Variants in SORBS3 observed in about 807,000 individuals in gnomAD.
The protein encoded by SORBS3 is sorbin and SH3 domain containing 3, also known as vinexin.
A neutral mutation model predicts 98.0 loss-of-function variants in SORBS3; 69 were observed. The observed-to-expected ratio is 0.70, with a 90% CI of 0.58 to 0.86. The LOEUF is 0.86. Among genes scored for constraint, SORBS3 ranks in the 40% least tolerant of loss-of-function variants. The pLI, the probability that SORBS3 is intolerant of heterozygous loss-of-function variation, is 0.00. For synonymous variants in SORBS3, 394 were observed against 355.4 expected, an observed-to-expected ratio of 1.11 and a Z score of -1.22; for missense variants, 954 against 908.5, an observed-to-expected ratio of 1.05 and a Z score of -0.64.
In SORBS3 at chr8:22,571,227, G is replaced by A; in HGVS notation, c.1743+6G>A. 4 of 1,522,984 alleles carry A rather than the reference G, an allele frequency of 2.6e-6. No homozygotes were observed. Among genetic ancestry groups the A allele is most frequent in the Non-Finnish European group, 3.5e-6 (4 of 1,136,662 alleles). The allele number at this position is 1,522,984 out of a possible 1,614,324, so 94.3% of individuals were successfully genotyped here. A position where few individuals can be genotyped will look rare whatever the true frequency, so the allele number is the denominator to read the frequency against. ...AGCCTAGACCCCAGACCCAGGTGAG[G>A]TAGCCTGCCTCCACCAGAGAGTCGA... On this transcript the variant is annotated splice_donor_region_variant and intron_variant, in intron 18 of 20. Transcript: ENST00000240123.
At chr8:22,573,474 T>A (rs1029962338) in intron 20 of SORBS3, 2 of 446,518 alleles carry the variant, frequency 4.5e-6, no homozygotes, top group Non-Finnish European at 4.5e-6. Flanking sequence ...TCAAATGAAA[T>A]AAATTAAAAA....
chr8:22,571,729 C>T lies in SORBS3; in HGVS notation c.1755C>T (p.Thr585=). ...CTGTCAACTCCCAGAATCTTGGCAC[C>T]CCTGGTCCAGCTCTGTCCCACTCTC... ...EPRPQTQNLG[T]PGPALSHSRG... The change falls in exon 19 of 21, where the codon ACC becomes ACT. Residue 585 remains threonine (T), a synonymous_variant. Coordinates refer to ENST00000240123, the MANE Select transcript of SORBS3 (RefSeq NM_005775.5). The T allele has an allele frequency of 6.2e-7, 1 of 1,613,678 alleles. No individual in the cohort carries two copies. Among genetic ancestry groups the T allele is most frequent in the Non-Finnish European group, 8.5e-7 (1 of 1,179,678 alleles).
chr8:22,558,769 G>A (rs1465722574), intron 5 of SORBS3, among the ~76,000 whole-genome samples: 1 of 152,246 alleles, frequency 6.6e-6, no homozygotes, highest in African/African-American at 2.4e-5. Context: ...CCCATGCAGG[G>A]AGGCTGCTCC....
rs377415694 is a variant in SORBS3 at position 22,564,453 on chromosome 8, C to T, written c.763-15C>T. 6.2e-7 allele frequency: 1 copy of T among 1,614,040 alleles called. No individual in the cohort carries two copies. Among genetic ancestry groups the T allele is most frequent in the African/African-American group, 1.3e-5 (1 of 74,938 alleles). ...GTGAGTTCACCTGCTCTGACACACC[C>T]TTTCTACCCTTCAGCCCAAGAAACC... On this transcript the variant is annotated splice_polypyrimidine_tract_variant and intron_variant, in intron 9 of 20. Transcript: ENST00000240123.
Position 22,564,344 on chromosome 8 carries a change from T to C in SORBS3, c.737T>C (p.Leu246Pro). 6.2e-7 allele frequency: 1 copy of C among 1,614,038 alleles called. No homozygotes were observed. The highest frequency in any genetic ancestry group is 8.5e-7 in the Non-Finnish European group (1 of 1,179,950). The change falls in exon 9 of 21, where the codon CTG becomes CCG. Residue 246 changes from leucine (L) to proline (P), a missense_variant. By Grantham distance (98) the Leu-to-Pro change is moderately conservative (BLOSUM62 -3). Transcript: ENST00000240123. The part of the protein sequence containing the change: ...VWTEESWNQF[L>P]QELETGQRPK... ...ACGGAAGAGTCCTGGAACCAGTTTCTGCAGGAACTAGAGACTGGGCAGAGG... is the reference window on the plus strand; with the variant it reads ...ACGGAAGAGTCCTGGAACCAGTTTCCGCAGGAACTAGAGACTGGGCAGAGG...
intron 16 of SORBS3, 130 bp from the exon 17 acceptor site, chr8:22,569,018 G>C (rs1032698216): frequency 4.0e-5 from 38 of 960,528 alleles, no homozygotes; most frequent in Middle Eastern, 2.7e-4. Flanking sequence ...CCCAGGGCTT[G>C]TGTCTGGTGT....
In SORBS3 at chr8:22,561,504, A is replaced by G. The variant is rs201380890; in HGVS notation, c.517+131A>G. On this transcript the variant is annotated intron_variant, in intron 6 of 20. Coordinates refer to ENST00000240123, the MANE Select transcript of SORBS3 (RefSeq NM_005775.5). ...GCTCAGTTCAACCTGAGAGGTTTTTATAGCTCATTTCCAGAGCACTTCAAA... is the reference window on the plus strand; with the variant it reads ...GCTCAGTTCAACCTGAGAGGTTTTTGTAGCTCATTTCCAGAGCACTTCAAA... The G allele has an allele frequency of 4.2e-5, 40 of 960,566 alleles. No homozygotes were observed. In the East Asian group the frequency reaches 1.0e-3, roughly 25 times the overall value. The allele number at this position is 960,566 out of a possible 1,614,324, so 59.5% of individuals were successfully genotyped here. A position where few individuals can be genotyped will look rare whatever the true frequency, so the allele number is the denominator to read the frequency against.
At chr8:22,549,585 C>T (rs116464319), upstream of SORBS3, among the ~76,000 whole-genome samples, 1,274 of 152,348 alleles carry the variant, frequency 8.4e-3, 23 homozygotes, top group African/African-American at 0.029. Flanking sequence ...CTCCCATCCT[C>T]TCGGCTGTGA....
At chr8:22,562,166 C>A (rs1166560419) in intron 7 of SORBS3, among the ~76,000 whole-genome samples, 1 of 152,216 alleles carries the variant, frequency 6.6e-6, no homozygotes, top group African/African-American at 2.4e-5. Flanking sequence ...ACCTGGCACC[C>A]GCTCCTGGCC....
At position 22,561,558 on chromosome 8, in the gene SORBS3, C is replaced by T. The variant is rs1840295684; in HGVS notation, c.517+185C>T. 6 of 664,796 alleles carry T rather than the reference C, an allele frequency of 9.0e-6. No individual in the cohort carries two copies. In the South Asian group the frequency reaches 1.1e-4, roughly 12 times the overall value. 41.2% of individuals were successfully genotyped at this position (664,796 alleles called of 1,614,324 possible). On this transcript the variant is annotated intron_variant, in intron 6 of 20. Coordinates refer to ENST00000240123, the MANE Select transcript of SORBS3 (RefSeq NM_005775.5). ...CCCGGTAGGTGGTAATTAACAGCCTCAGCTTGCACGGGGAACGCGCGCTCT... is the reference window on the plus strand; with the variant it reads ...CCCGGTAGGTGGTAATTAACAGCCTTAGCTTGCACGGGGAACGCGCGCTCT...
intron 17 of SORBS3, among the ~76,000 whole-genome samples, chr8:22,569,722 TC>T (rs1290278472): frequency 6.6e-6 from 1 of 152,154 alleles, no homozygotes; most frequent in African/African-American, 2.4e-5. Flanking sequence ...TCATTATGCT[TC>T]CTTTAGTGTA....
chr8:22,564,399 A>G (rs1433569674), intron 9 of SORBS3, 30 bp downstream of exon 9: 1 of 1,613,038 alleles, frequency 6.2e-7, no homozygotes, highest in Admixed American at 1.7e-5. Flanking sequence ...CGGGGTGTGC[A>G]CGCACCCTCA....
intron 17 of SORBS3, among the ~76,000 whole-genome samples, chr8:22,569,796 C>A (rs1840524847): frequency 6.6e-6 from 1 of 151,844 alleles, no homozygotes; most frequent in Non-Finnish European, 1.5e-5. Flanking sequence ...TGACCTTGAA[C>A]TCCTGGGCTC....
chr8:22,562,086 T>C (rs1840309105), intron 7 of SORBS3, among the ~76,000 whole-genome samples, 155 bp downstream of exon 7: 1 of 152,162 alleles, frequency 6.6e-6, no homozygotes, highest in South Asian at 2.1e-4. Flanking sequence ...CTGTCCCATC[T>C]CTGGGTCTCC....
chr8:22,567,199 G>A, intron 16 of SORBS3, 24 bp downstream of exon 16: 2 of 1,530,960 alleles, frequency 1.3e-6, no homozygotes, highest in Non-Finnish European at 1.8e-6. Flanking sequence ...ACAAGAGCAA[G>A]TGGGGCTGGG....
At chr8:22,571,571 C>G (rs1840585234) in intron 18 of SORBS3, 147 bp from the exon 19 acceptor site, 1 of 654,998 alleles carries the variant, frequency 1.5e-6, no homozygotes, top group Admixed American at 2.2e-5. Flanking sequence ...TCCCTGTGCC[C>G]TGGGGGTTTG....
intron 16 of SORBS3, among the ~76,000 whole-genome samples, chr8:22,567,996 C>T (rs1418015068): frequency 2.0e-5 from 3 of 151,962 alleles, no homozygotes; most frequent in South Asian, 2.1e-4. Context: ...TACAGGAATG[C>T]GCCACCACGC....
chr8:22,547,980 G>A (rs531832007), upstream of SORBS3, among the ~76,000 whole-genome samples: 80 of 152,258 alleles, frequency 5.3e-4, no homozygotes, highest in African/African-American at 1.8e-3. Flanking sequence ...TACATCATGC[G>A]TGTGCTATGG....
chr8:22,566,176 C>G (rs1315984256), intron 12 of SORBS3, 169 bp from the exon 13 acceptor site: 2 of 933,068 alleles, frequency 2.1e-6, no homozygotes, highest in African/African-American at 1.7e-5. Context: ...CACCCTTCCC[C>G]GCGCAGCGAC....
Sources: gnomAD v4.1 joint callset for allele counts (sites outside exome capture counted in the v4.1 genomes callset) on GRCh38, gnomAD v4.1.1 for gene constraint, MANE v1.5 for transcripts, NCBI Gene and HGNC (gene_info 2026-07-23, HGNC 2026-07-21) for gene names.